CDH18: variants seen among roughly 807,000 people sequenced by gnomAD.
CDH18 encodes cadherin-18.
CDH18 carries 31 observed loss-of-function variants against 67.9 expected under a neutral mutation model. That is an observed-to-expected ratio of 0.46 (90% CI 0.34 to 0.62). The LOEUF (loss-of-function observed/expected upper bound fraction) is 0.62, where lower values mean the gene tolerates loss of function less well. CDH18 is among the 20% of genes least tolerant of loss of function. The pLI, the probability that CDH18 is intolerant of heterozygous loss-of-function variation, is 0.01. For synonymous variants in CDH18, 362 were observed against 347.2 expected (o/e 1.04, Z -0.48); for missense variants, 890 against 975.5 (o/e 0.91, Z 1.17).
intron 3 of CDH18, among the ~76,000 whole-genome samples, chr5:19,774,879 G>GT (rs967181628): frequency 5.7e-5 from 7 of 122,256 alleles, no homozygotes; most frequent in African/African-American, 2.1e-4. Flanking sequence ...GAGTATACAA[G>GT]TGTAAGTTGG....
intron 10 of CDH18, among the ~76,000 whole-genome samples, chr5:19,516,997 C>G (rs1399355353): frequency 6.6e-6 from 1 of 151,932 alleles, no homozygotes; most frequent in African/African-American, 2.4e-5. Context: ...GGGAAATGCC[C>G]AAAAATGCAG....
chr5:19,673,423 G>T (rs1487016909), intron 5 of CDH18, among the ~76,000 whole-genome samples: 2 of 151,878 alleles, frequency 1.3e-5, no homozygotes, highest in Non-Finnish European at 2.9e-5. Context: ...ACTATATCCA[G>T]ACTTTATCTG....
intron 7 of CDH18, among the ~76,000 whole-genome samples, chr5:19,584,667 G>T (rs1398490772): frequency 6.6e-6 from 1 of 151,464 alleles, no homozygotes; most frequent in Non-Finnish European, 1.5e-5. Flanking sequence ...TTCAAGGGAG[G>T]CCAGATGCAG....
At chr5:19,875,538 C>T (rs1259538455) in intron 2 of CDH18, among the ~76,000 whole-genome samples, 1 of 151,928 alleles carries the variant, frequency 6.6e-6, no homozygotes, top group African/African-American at 2.4e-5. Context: ...GATGCATTAT[C>T]ATTTTTATGT....
chr5:19,993,781 C>T (rs1800117661), intron 2 of CDH18, among the ~76,000 whole-genome samples: 1 of 151,860 alleles, frequency 6.6e-6, no homozygotes, highest in Non-Finnish European at 1.5e-5. Context: ...CTCTATCTAT[C>T]CTCTTAGTTC....
At chr5:19,649,848 T>C (rs945972876) in intron 5 of CDH18, among the ~76,000 whole-genome samples, 2 of 152,024 alleles carry the variant, frequency 1.3e-5, no homozygotes, top group Non-Finnish European at 2.9e-5. Flanking sequence ...TAACTTTTTT[T>C]CTACAGAATG....
intron 1 of CDH18, among the ~76,000 whole-genome samples, chr5:20,352,306 A>C (rs138261709): frequency 1.3e-5 from 2 of 152,148 alleles, no homozygotes; most frequent in African/African-American, 4.8e-5. Flanking sequence ...CTCTTTTCTT[A>C]TCATTTTCTT....
intron 2 of CDH18, among the ~76,000 whole-genome samples, chr5:19,923,677 C>T (rs1792755783): frequency 6.6e-6 from 1 of 152,086 alleles, no homozygotes; most frequent in Admixed American, 6.6e-5. Flanking sequence ...ATATCTCTAA[C>T]TCAGAACAAA....
intron 2 of CDH18, among the ~76,000 whole-genome samples, chr5:19,858,820 C>A (rs1784561174): frequency 6.6e-6 from 1 of 151,934 alleles, no homozygotes; most frequent in Non-Finnish European, 1.5e-5. Context: ...CAGAAAAACT[C>A]ATTTGTTAGA....
intron 1 of CDH18, among the ~76,000 whole-genome samples, chr5:20,264,715 G>A (rs1744901686): frequency 6.6e-6 from 1 of 151,936 alleles, no homozygotes; most frequent in Admixed American, 6.6e-5. Flanking sequence ...TTTTTAAAAA[G>A]TCACACATAA....
At chr5:19,476,096 G>A (rs114099837) in intron 12 of CDH18, among the ~76,000 whole-genome samples, 1,683 of 152,110 alleles carry the variant, frequency 0.011, 34 homozygotes, top group African/African-American at 0.039. Flanking sequence ...ACTGTGCACT[G>A]GGAGGTACCC....
intron 2 of CDH18, among the ~76,000 whole-genome samples, chr5:20,011,541 A>G (rs1386609315): frequency 6.6e-6 from 1 of 152,110 alleles, no homozygotes; most frequent in Non-Finnish European, 1.5e-5. Flanking sequence ...CCAATTTTCA[A>G]GGTGAATGCA....
Position 19,574,383 on chromosome 5 carries a change from A to C in CDH18, c.1000-2551T>G, listed in dbSNP as rs564642164. ...GGATGGAAACCATGTGGAGCCATGA[A>C]AAAAATGAGTAGATTATTTTAGGTT... On this transcript the variant is annotated intron_variant, in intron 7 of 12. Transcript: ENST00000382275. 5.3e-5 allele frequency among the ~76,000 whole-genome samples: 8 copies of C among 152,314 alleles called. No individual in the cohort carries two copies. In the East Asian group the frequency reaches 1.5e-3, roughly 29 times the overall value.
intron 1 of CDH18, among the ~76,000 whole-genome samples, chr5:20,347,083 A>C (rs532449348): frequency 6.6e-6 from 1 of 152,310 alleles, no homozygotes; most frequent in Non-Finnish European, 1.5e-5. Flanking sequence ...AGACCCATTT[A>C]GCTGGAGATA....
At chr5:19,756,366 G>A (rs1012378547) in intron 3 of CDH18, among the ~76,000 whole-genome samples, 6 of 152,306 alleles carry the variant, frequency 3.9e-5, no homozygotes, top group East Asian at 3.9e-4. Flanking sequence ...GTCGTAGCTG[G>A]TATTGATGAC....
intron 11 of CDH18, among the ~76,000 whole-genome samples, chr5:19,493,230 A>C (rs564086076): frequency 3.8e-4 from 58 of 152,278 alleles, no homozygotes; most frequent in African/African-American, 1.3e-3. Flanking sequence ...ACATAATTAC[A>C]TTTCATATCA....
intron 1 of CDH18, among the ~76,000 whole-genome samples, chr5:20,285,141 T>C (rs940618666): frequency 4.6e-5 from 7 of 151,532 alleles, no homozygotes; most frequent in African/African-American, 1.7e-4. Flanking sequence ...ACAAATCAAA[T>C]ACAGTTTACA....
At chr5:20,223,112 C>CA (rs2126459991) in intron 2 of CDH18, among the ~76,000 whole-genome samples, 1 of 152,182 alleles carries the variant, frequency 6.6e-6, no homozygotes, top group African/African-American at 2.4e-5. Context: ...CACAGACACT[C>CA]AATGCCAACC....
intron 1 of CDH18, among the ~76,000 whole-genome samples, chr5:20,422,607 A>G (rs986867899): frequency 5.3e-5 from 8 of 151,144 alleles, no homozygotes; most frequent in African/African-American, 1.2e-4. Flanking sequence ...ACATAACAAT[A>G]AAAATATTGT....
Sources: gnomAD v4.1 joint callset for allele counts (sites outside exome capture counted in the v4.1 genomes callset) on GRCh38, gnomAD v4.1.1 for gene constraint, MANE v1.5 for transcripts, NCBI Gene and HGNC (gene_info 2026-07-23, HGNC 2026-07-21) for gene names.